MRPS28: variants seen among roughly 807,000 people sequenced by gnomAD.
MRPS28 encodes the protein small ribosomal subunit protein bS1m.
A neutral mutation model predicts 10.8 loss-of-function variants in MRPS28; 7 were observed. The ratio of observed to expected loss-of-function variants is 0.65; its 90% CI spans 0.37 to 1.22. The LOEUF (loss-of-function observed/expected upper bound fraction) is 1.22. Among genes scored for constraint, MRPS28 ranks in the 50% most tolerant of loss-of-function variants. The probability of loss-of-function intolerance (pLI) is 0.02; values close to 1 mark genes in which losing one functional copy is unlikely to be tolerated. For synonymous variants in MRPS28, 121 were observed against 93.3 expected (o/e 1.30, Z -1.71); for missense variants, 265 against 232.9 (o/e 1.14, Z -0.90).
chr8:79,931,351 A>C (rs1806456254), intron 2 of MRPS28, among the ~76,000 whole-genome samples: 1 of 152,240 alleles, frequency 6.6e-6, no homozygotes, highest in South Asian at 2.1e-4. Context: ...GAGCTTTCTA[A>C]CTTTCTAAGA....
At position 80,003,873 on chromosome 8, in the gene MRPS28, G is replaced by A. The variant is rs559224036; in HGVS notation, c.214-693C>T. 3.9e-5 allele frequency among the ~76,000 whole-genome samples: 6 copies of A among 152,306 alleles called. No individual in the cohort carries two copies. In the South Asian group the frequency reaches 1.0e-3, roughly 26 times the overall value. ...CTGGCTTGGAGGGTCCCATGCCCACGGAGCCTCGCTCATTGCTAGCACAGC... is the reference window on the plus strand; with the variant it reads ...CTGGCTTGGAGGGTCCCATGCCCACAGAGCCTCGCTCATTGCTAGCACAGC... On this transcript the variant is annotated intron_variant, in intron 1 of 2. Coordinates refer to ENST00000276585, the MANE Select transcript of MRPS28 (RefSeq NM_014018.3).
chr8:79,993,576 T>C (rs527658993), intron 2 of MRPS28, among the ~76,000 whole-genome samples: 2 of 152,312 alleles, frequency 1.3e-5, no homozygotes, highest in African/African-American at 4.8e-5. Flanking sequence ...TCATACTTTA[T>C]AATTTGATCA....
intron 1 of MRPS28, among the ~76,000 whole-genome samples, chr8:80,013,165 C>T (rs745507233): frequency 6.6e-6 from 1 of 152,110 alleles, no homozygotes; most frequent in Non-Finnish European, 1.5e-5. Flanking sequence ...AGTCATTTAA[C>T]TTCTCTAGAT....
At chr8:79,937,585 A>C (rs114446438) in intron 2 of MRPS28, among the ~76,000 whole-genome samples, 139 of 152,328 alleles carry the variant, frequency 9.1e-4, no homozygotes, top group African/African-American at 3.2e-3. Flanking sequence ...AAATAACTAA[A>C]ATTTGTGTAA....
chr8:79,926,107 C>T lies in MRPS28; in HGVS notation c.396-6959G>A, dbSNP rs558109187. On this transcript the variant is annotated intron_variant, in intron 2 of 2. Coordinates refer to ENST00000276585, the MANE Select transcript of MRPS28 (RefSeq NM_014018.3). ...TTATTAAAAAACTAAATATTTTTTG[C>T]TAGTCAAATATGAATACATACATAT... Among the ~76,000 whole-genome samples the T allele has an allele frequency of 8.6e-5, 13 of 151,462 alleles. 1 individual carries two copies. The highest frequency in any genetic ancestry group is 3.1e-4 in the African/African-American group (13 of 41,336).
chr8:79,995,530 A>C (rs1178601577), intron 2 of MRPS28, among the ~76,000 whole-genome samples: 1 of 152,166 alleles, frequency 6.6e-6, no homozygotes, highest in African/African-American at 2.4e-5. Context: ...GCTCATGTCC[A>C]AAACACTCGG....
intron 2 of MRPS28, among the ~76,000 whole-genome samples, chr8:79,931,540 A>T (rs59618783): frequency 0.034 from 5,184 of 152,270 alleles, 305 homozygotes; most frequent in African/African-American, 0.12. Flanking sequence ...TAGGCAAGGT[A>T]TTCAGCTCCT....
chr8:80,021,774 T>TA (rs949287855), intron 1 of MRPS28, among the ~76,000 whole-genome samples: 2 of 151,994 alleles, frequency 1.3e-5, no homozygotes, highest in African/African-American at 2.4e-5. Flanking sequence ...ATGCTCCCTT[T>TA]AAAAAAAATT....
At chr8:79,960,476 G>A (rs1472199383) in intron 2 of MRPS28, among the ~76,000 whole-genome samples, 1 of 152,106 alleles carries the variant, frequency 6.6e-6, no homozygotes, top group African/African-American at 2.4e-5. Context: ...AAAGATATGT[G>A]TACCAGACTG....
chr8:79,998,065 A>AAAAGAAAG (rs898196299), intron 2 of MRPS28, among the ~76,000 whole-genome samples: 1 of 151,642 alleles, frequency 6.6e-6, no homozygotes, highest in African/African-American at 2.4e-5. Context: ...AAAAAAAAAA[A>AAAAGAAAG]AAAGAAAGAA....
intron 1 of MRPS28, among the ~76,000 whole-genome samples, chr8:80,022,668 A>G (rs1809397979): frequency 6.6e-6 from 1 of 152,244 alleles, no homozygotes; most frequent in Non-Finnish European, 1.5e-5. Context: ...CCAACAAACC[A>G]GGCTCCACTT....
intron 2 of MRPS28, among the ~76,000 whole-genome samples, chr8:79,987,397 A>T (rs1013633435): frequency 5.9e-5 from 9 of 152,258 alleles, no homozygotes; most frequent in Admixed American, 5.9e-4. Flanking sequence ...CACCAAAAGC[A>T]ATGGCAACAA....
At chr8:79,985,811 G>C (rs1019253649) in intron 2 of MRPS28, among the ~76,000 whole-genome samples, 5 of 152,016 alleles carry the variant, frequency 3.3e-5, no homozygotes, top group African/African-American at 7.3e-5. Flanking sequence ...AAGAGTCCAG[G>C]ACCAGATGGA....
intron 2 of MRPS28, among the ~76,000 whole-genome samples, chr8:79,983,650 G>C (rs945065731): frequency 6.6e-6 from 1 of 152,156 alleles, no homozygotes; most frequent in Non-Finnish European, 1.5e-5. Context: ...GAGCTGATGC[G>C]ATCAACTGGA....
intron 1 of MRPS28, among the ~76,000 whole-genome samples, chr8:80,023,181 T>C (rs966544743): frequency 1.3e-5 from 2 of 152,218 alleles, no homozygotes; most frequent in Admixed American, 1.3e-4. Flanking sequence ...TAGAATTCTA[T>C]AATGTAAAAA....
intron 2 of MRPS28, among the ~76,000 whole-genome samples, chr8:79,985,709 T>A (rs988581375): frequency 5.7e-4 from 86 of 152,150 alleles, no homozygotes; most frequent in African/African-American, 2.0e-3. Context: ...ACATACAACC[T>A]CCCAAGACTA....
chr8:79,983,898 C>G (rs1212100701), intron 2 of MRPS28, among the ~76,000 whole-genome samples: 1 of 152,172 alleles, frequency 6.6e-6, no homozygotes, highest in Non-Finnish European at 1.5e-5. Flanking sequence ...GGCAGGCCAA[C>G]ATTCAGATTC....
chr8:80,016,488 T>A (rs974750776), intron 1 of MRPS28, among the ~76,000 whole-genome samples: 1 of 151,926 alleles, frequency 6.6e-6, no homozygotes, highest in East Asian at 1.9e-4. Context: ...AATTAAAGAC[T>A]TTCTCAGACA....
chr8:79,937,303 C>T (rs969429409), intron 2 of MRPS28, among the ~76,000 whole-genome samples: 2 of 152,192 alleles, frequency 1.3e-5, no homozygotes, highest in African/African-American at 2.4e-5. Context: ...GTTTTCAAAA[C>T]TTGTTCCCTT....
Sources: gnomAD v4.1 joint callset for allele counts (sites outside exome capture counted in the v4.1 genomes callset) on GRCh38, gnomAD v4.1.1 for gene constraint, MANE v1.5 for transcripts, NCBI Gene and HGNC (gene_info 2026-07-23, HGNC 2026-07-21) for gene names.